The following FHIT variants were observed in gnomAD, a reference collection of about 807,000 sequenced individuals.
FHIT encodes fragile histidine triad diadenosine triphosphatase.
A neutral mutation model predicts 17.9 loss-of-function variants in FHIT; 19 were observed. That is an observed-to-expected ratio of 1.06 (90% CI 0.74 to 1.56). The LOEUF is 1.56. Among genes scored for constraint, FHIT ranks in the 40% most tolerant of loss-of-function variants. The probability of loss-of-function intolerance (pLI) is 0.00; values close to 1 mark genes in which losing one functional copy is unlikely to be tolerated. For missense variants in FHIT, 248 were observed against 189.2 expected, an observed-to-expected ratio of 1.31 and a Z score of -1.82; for synonymous variants, 81 against 69.7, an observed-to-expected ratio of 1.16 and a Z score of -0.81.
intron 5 of FHIT, among the ~76,000 whole-genome samples, chr3:60,348,838 A>G (rs761406192): frequency 1.3e-5 from 2 of 152,176 alleles, no homozygotes; most frequent in Non-Finnish European, 2.9e-5. Flanking sequence ...CAGCATTAGA[A>G]CATGCCAGGG....
chr3:60,253,494 A>G (rs994731498), intron 5 of FHIT, among the ~76,000 whole-genome samples: 3 of 152,234 alleles, frequency 2.0e-5, no homozygotes, highest in African/African-American at 4.8e-5. Flanking sequence ...GTCTATAGAT[A>G]GTCAAAATTG....
At chr3:60,538,615 A>G (rs917160148) in intron 4 of FHIT, among the ~76,000 whole-genome samples, 4 of 152,154 alleles carry the variant, frequency 2.6e-5, no homozygotes, top group African/African-American at 9.7e-5. Context: ...GGAACAGAAC[A>G]GAGCCCTCAG....
intron 2 of FHIT, among the ~76,000 whole-genome samples, chr3:61,185,689 T>C (rs539669214): frequency 6.6e-6 from 1 of 152,254 alleles, no homozygotes; most frequent in South Asian, 2.1e-4. Context: ...TAATGTTGAA[T>C]GGAAAAAGCA....
chr3:60,302,998 A>T (rs1441667382), intron 5 of FHIT, among the ~76,000 whole-genome samples: 3 of 152,186 alleles, frequency 2.0e-5, no homozygotes, highest in Admixed American at 6.5e-5. Flanking sequence ...CGTCACAGTT[A>T]TGAAAAACCT....
At chr3:61,215,333 G>C (rs1326258823) in intron 1 of FHIT, among the ~76,000 whole-genome samples, 1 of 152,044 alleles carries the variant, frequency 6.6e-6, no homozygotes, top group East Asian at 1.9e-4. Context: ...CAAAATCAAT[G>C]TACAAAAATC....
intron 8 of FHIT, among the ~76,000 whole-genome samples, chr3:59,765,274 A>G (rs1486935073): frequency 6.6e-6 from 1 of 152,244 alleles, no homozygotes; most frequent in African/African-American, 2.4e-5. Context: ...AACTAATTAT[A>G]ATTTCAGGTA....
At chr3:60,182,715 T>G (rs1439470772) in intron 5 of FHIT, among the ~76,000 whole-genome samples, 1 of 151,752 alleles carries the variant, frequency 6.6e-6, no homozygotes, top group Non-Finnish European at 1.5e-5. Context: ...CCTGGGAGCT[T>G]GACACTGCAG....
chr3:60,311,806 A>C (rs2106761590), intron 5 of FHIT, among the ~76,000 whole-genome samples: 1 of 152,300 alleles, frequency 6.6e-6, no homozygotes, highest in Non-Finnish European at 1.5e-5. Context: ...CTTTTCTTAA[A>C]CATGGTCGGG....
At chr3:59,997,879 GCTAT>G (rs1385421742) in intron 7 of FHIT, among the ~76,000 whole-genome samples, 2 of 152,058 alleles carry the variant, frequency 1.3e-5, no homozygotes, top group South Asian at 2.1e-4. Context: ...TTCTGCTGTG[GCTAT>G]CTTTTATTTT....
chr3:60,270,767 C>T (rs192336401), intron 5 of FHIT, among the ~76,000 whole-genome samples: 2 of 152,180 alleles, frequency 1.3e-5, no homozygotes, highest in East Asian at 1.9e-4. Flanking sequence ...AGGGATGGGG[C>T]GAAGAAGGTA....
At chr3:60,500,032 G>C (rs537366021) in intron 5 of FHIT, among the ~76,000 whole-genome samples, 1 of 152,278 alleles carries the variant, frequency 6.6e-6, no homozygotes, top group Non-Finnish European at 1.5e-5. Flanking sequence ...TATACCTGGG[G>C]TCTGGCACAT....
intron 5 of FHIT, among the ~76,000 whole-genome samples, chr3:60,075,787 G>A (rs9311747): frequency 0.066 from 10,010 of 152,022 alleles, 388 homozygotes; most frequent in African/African-American, 0.11. Flanking sequence ...TAGTTTTCTT[G>A]GGTCCTGGTC....
intron 5 of FHIT, among the ~76,000 whole-genome samples, chr3:60,356,790 GAGT>G (rs1699685938): frequency 1.1e-5 from 1 of 91,172 alleles, no homozygotes; most frequent in African/African-American, 4.8e-5. Flanking sequence ...ACGGAAGAAA[GAGT>G]AAATTGTATG....
At chr3:60,338,653 T>A (rs73104903) in intron 5 of FHIT, among the ~76,000 whole-genome samples, 7 of 152,312 alleles carry the variant, frequency 4.6e-5, no homozygotes, top group Non-Finnish European at 1.0e-4. Context: ...ACTTAGATGT[T>A]GCCTGAGAAA....
chr3:61,095,931 CCTT>C (rs2035625333), intron 2 of FHIT, among the ~76,000 whole-genome samples: 1 of 152,146 alleles, frequency 6.6e-6, no homozygotes, highest in Admixed American at 6.5e-5. Context: ...GCTCACTTAA[CCTT>C]CTTCTAGAGG....
intron 4 of FHIT, among the ~76,000 whole-genome samples, chr3:60,759,972 TC>T (rs1699581977): frequency 6.6e-6 from 1 of 152,036 alleles, no homozygotes; most frequent in South Asian, 2.1e-4. Context: ...CTTGCCTTTC[TC>T]CCTTCTTTTC....
At chr3:60,994,589 G>A (rs1258693529) in intron 3 of FHIT, among the ~76,000 whole-genome samples, 1 of 152,130 alleles carries the variant, frequency 6.6e-6, no homozygotes, top group Non-Finnish European at 1.5e-5. Flanking sequence ...AATTAAATAA[G>A]ATCATGCCGA....
intron 8 of FHIT, among the ~76,000 whole-genome samples, chr3:59,829,111 AT>A (rs1412987073): frequency 6.6e-6 from 1 of 152,204 alleles, no homozygotes; most frequent in African/African-American, 2.4e-5. Context: ...GTCATGGTTA[AT>A]TACAATAATC....
At chr3:61,182,194 G>T (rs1260969780) in intron 2 of FHIT, among the ~76,000 whole-genome samples, 1 of 152,124 alleles carries the variant, frequency 6.6e-6, no homozygotes, top group African/African-American at 2.4e-5. Flanking sequence ...TTTCAGAAAT[G>T]CTCTCCCCAC....
Sources: gnomAD v4.1 joint callset for allele counts (sites outside exome capture counted in the v4.1 genomes callset) on GRCh38, gnomAD v4.1.1 for gene constraint, MANE v1.5 for transcripts, NCBI Gene and HGNC (gene_info 2026-07-23, HGNC 2026-07-21) for gene names.